The following LRRTM4 variants were observed in gnomAD, a reference collection of about 807,000 sequenced individuals.
The protein encoded by LRRTM4 is leucine-rich repeat transmembrane neuronal protein 4.
Under a neutral mutation model 47.6 loss-of-function variants are expected in LRRTM4, and 25 were observed. The ratio of observed to expected loss-of-function variants is 0.53; its 90% confidence interval spans 0.38 to 0.73. The LOEUF (loss-of-function observed/expected upper bound fraction) is 0.73, where lower values mean the gene tolerates loss of function less well. Ranked by LOEUF, LRRTM4 falls within the 30% of genes least tolerant of loss-of-function variation. The probability of loss-of-function intolerance (pLI) is 0.00; values close to 1 mark genes in which losing one functional copy is unlikely to be tolerated. For synonymous variants in LRRTM4, 311 were observed against 269.5 expected, an observed-to-expected ratio of 1.15 and a Z score of -1.51; for missense variants, 638 against 713.4, an observed-to-expected ratio of 0.89 and a Z score of 1.20.
At chr2:77,032,398 A>C (rs1259219697) in intron 3 of LRRTM4, among the ~76,000 whole-genome samples, 1 of 152,122 alleles carries the variant, frequency 6.6e-6, no homozygotes, top group African/African-American at 2.4e-5. Context: ...CCATTGGACT[A>C]TTATATGTCT....
chr2:76,905,030 A>G (rs911518477), intron 3 of LRRTM4, among the ~76,000 whole-genome samples: 28 of 152,126 alleles, frequency 1.8e-4, no homozygotes, highest in African/African-American at 4.8e-4. Context: ...ATCTGAGAAC[A>G]GGCAGACTGC....
intron 3 of LRRTM4, among the ~76,000 whole-genome samples, chr2:76,821,237 G>A (rs1405300937): frequency 2.6e-5 from 4 of 151,696 alleles, no homozygotes; most frequent in African/African-American, 9.7e-5. Context: ...TACCTAAGAA[G>A]AGATGATAAT....
intron 3 of LRRTM4, among the ~76,000 whole-genome samples, chr2:76,867,041 G>A (rs376489859): frequency 3.0e-4 from 46 of 152,144 alleles, no homozygotes; most frequent in African/African-American, 8.2e-4. Flanking sequence ...GATACAGGGA[G>A]GGGAACATCA....
chr2:76,882,315 TTTA>T (rs1485194195), intron 3 of LRRTM4, among the ~76,000 whole-genome samples: 3 of 150,976 alleles, frequency 2.0e-5, no homozygotes, highest in African/African-American at 2.5e-5. Flanking sequence ...TGAAACATTA[TTTA>T]TTATTATATT....
chr2:76,907,644 A>G lies in LRRTM4; in HGVS notation c.1552-158728T>C, dbSNP rs1319673809. Among the ~76,000 whole-genome samples the G allele has an allele frequency of 2.5e-5, 3 of 121,526 alleles. 1 individual carries two copies. The highest frequency in any genetic ancestry group is 1.1e-4 in the African/African-American group (3 of 28,080). 79.7% of individuals were successfully genotyped at this position (121,526 alleles called of 152,430 possible). The stretch of plus-strand genomic sequence containing the variant: ...GAGAAGAATCAAATAGACGCAATAA[A>G]AAATGATAAAGGGGATATCACCATC... On this transcript the variant is annotated intron_variant, in intron 3 of 3. Transcript: ENST00000409884.
chr2:76,958,799 G>A (rs1238507049), intron 3 of LRRTM4, among the ~76,000 whole-genome samples: 1 of 151,680 alleles, frequency 6.6e-6, no homozygotes, highest in Non-Finnish European at 1.5e-5. Flanking sequence ...CAAAATTACT[G>A]TAAAATCTGC....
At chr2:76,874,943 T>G (rs1672737034) in intron 3 of LRRTM4, among the ~76,000 whole-genome samples, 2 of 152,234 alleles carry the variant, frequency 1.3e-5, no homozygotes, top group Non-Finnish European at 2.9e-5. Flanking sequence ...TTATAGTAAT[T>G]TAAATTTCTT....
At chr2:77,439,025 T>G (rs1473566269) in intron 3 of LRRTM4, among the ~76,000 whole-genome samples, 3 of 152,114 alleles carry the variant, frequency 2.0e-5, no homozygotes, top group Admixed American at 6.5e-5. Flanking sequence ...GTTATTCAAG[T>G]CAAAGAGTAA....
intron 3 of LRRTM4, among the ~76,000 whole-genome samples, chr2:77,143,311 A>G (rs1445596925): frequency 6.6e-6 from 1 of 152,176 alleles, no homozygotes; most frequent in African/African-American, 2.4e-5. Context: ...TGGGGCAGTT[A>G]TTATTTGAAG....
intron 3 of LRRTM4, among the ~76,000 whole-genome samples, chr2:77,218,465 T>C (rs1201352099): frequency 6.6e-6 from 1 of 152,058 alleles, no homozygotes; most frequent in African/African-American, 2.4e-5. Flanking sequence ...ATAAATCCCA[T>C]CTCTCTTAAT....
At chr2:76,778,783 T>C (rs1247919286) in intron 3 of LRRTM4, among the ~76,000 whole-genome samples, 2 of 150,990 alleles carry the variant, frequency 1.3e-5, no homozygotes, top group African/African-American at 2.5e-5. Flanking sequence ...TGAGTTTAGT[T>C]ATTTCTTGCC....
At chr2:77,461,214 T>C (rs988451968) in intron 3 of LRRTM4, among the ~76,000 whole-genome samples, 4 of 151,646 alleles carry the variant, frequency 2.6e-5, no homozygotes, top group African/African-American at 9.7e-5. Flanking sequence ...CTCAAATACA[T>C]AGTTATTTTA....
At chr2:77,056,330 T>G (rs1679607880) in intron 3 of LRRTM4, among the ~76,000 whole-genome samples, 1 of 152,138 alleles carries the variant, frequency 6.6e-6, no homozygotes. Context: ...AAAATTAAAT[T>G]TGTATTTTCC....
intron 3 of LRRTM4, among the ~76,000 whole-genome samples, chr2:76,878,351 A>C (rs1360275779): frequency 2.0e-5 from 3 of 152,140 alleles, no homozygotes; most frequent in African/African-American, 7.2e-5. Flanking sequence ...AGACGAATTA[A>C]TAACCCTATA....
intron 3 of LRRTM4, among the ~76,000 whole-genome samples, chr2:77,271,179 T>C (rs1290415896): frequency 6.6e-6 from 1 of 152,182 alleles, no homozygotes; most frequent in African/African-American, 2.4e-5. Flanking sequence ...GACCTCATTC[T>C]TCTTGGACGC....
chr2:76,805,945 C>T (rs932954346), intron 3 of LRRTM4, among the ~76,000 whole-genome samples: 3 of 152,112 alleles, frequency 2.0e-5, no homozygotes, highest in African/African-American at 7.2e-5. Context: ...TGTGGTCTCA[C>T]CTGATTTCTA....
intron 3 of LRRTM4, among the ~76,000 whole-genome samples, chr2:77,385,871 C>T (rs1325913243): frequency 6.6e-6 from 1 of 150,858 alleles, no homozygotes; most frequent in Non-Finnish European, 1.5e-5. Context: ...GCCCAGCCTC[C>T]CGACTAGCTG....
At chr2:76,943,776 G>A (rs1675232297) in intron 3 of LRRTM4, among the ~76,000 whole-genome samples, 1 of 152,154 alleles carries the variant, frequency 6.6e-6, no homozygotes, top group East Asian at 1.9e-4. Flanking sequence ...TTATTAGCAT[G>A]TAATCCACTC....
At chr2:76,993,672 T>A (rs1255840501) in intron 3 of LRRTM4, among the ~76,000 whole-genome samples, 1 of 151,948 alleles carries the variant, frequency 6.6e-6, no homozygotes, top group African/African-American at 2.4e-5. Context: ...TAAATTTGTT[T>A]AGCCACTGTG....
Sources: gnomAD v4.1 joint callset for allele counts (sites outside exome capture counted in the v4.1 genomes callset) on GRCh38, gnomAD v4.1.1 for gene constraint, MANE v1.5 for transcripts, NCBI Gene and HGNC (gene_info 2026-07-23, HGNC 2026-07-21) for gene names.